The following KIF27 variants were observed in gnomAD, a reference collection of about 807,000 sequenced individuals.
The protein encoded by KIF27 is kinesin family member 27.
KIF27 carries 84 observed loss-of-function variants against 141.8 expected under a neutral mutation model. The observed-to-expected ratio is 0.59, with a 90% confidence interval of 0.50 to 0.71. The LOEUF (loss-of-function observed/expected upper bound fraction) is 0.71, where lower values mean the gene tolerates loss of function less well. KIF27 is among the 30% of genes least tolerant of loss of function. The pLI, the probability that KIF27 is intolerant of heterozygous loss-of-function variation, is 0.00. For missense variants in KIF27, 1,306 were observed against 1,628.4 expected (o/e 0.80, Z 3.41); for synonymous variants, 471 against 569.5 (o/e 0.83, Z 2.46).
In KIF27 at chr9:83,908,452, CTG is replaced by C. The variant is rs1477505684; in HGVS notation, c.497_498del (p.Thr166SerfsTer15). On this transcript the variant is annotated frameshift_variant and splice_region_variant, in exon 3 of 18. Transcript: ENST00000297814. LOFTEE classifies it high-confidence loss of function. ...LHIREDEKGNTVIVGAKECHV... is the reference protein window; with the variant it reads ...LHIREDEKGNXVIVGAKECHV... ...CAACTGATTAAGTGTGCTACTTTACCTGTGTTTCCTTTTTCATCTTCTCGGAT... is the reference window on the plus strand; with the variant it reads ...CAACTGATTAAGTGTGCTACTTTACCTGTTTCCTTTTTCATCTTCTCGGAT... 6.3e-7 allele frequency: 1 copy of C among 1,595,132 alleles called. No individual in the cohort carries two copies. The highest frequency in any genetic ancestry group is 1.1e-5 in the South Asian group (1 of 88,326).
At chr9:83,911,816 C>A (rs967718481) in intron 2 of KIF27, among the ~76,000 whole-genome samples, 1 of 152,100 alleles carries the variant, frequency 6.6e-6, no homozygotes, top group African/African-American at 2.4e-5. Context: ...CAGAAGTGAG[C>A]CACCACGCCT....
intron 3 of KIF27, among the ~76,000 whole-genome samples, chr9:83,904,660 T>C (rs1216499880): frequency 6.6e-6 from 1 of 152,162 alleles, no homozygotes. Flanking sequence ...TGTGAGCCAC[T>C]GCACCTGGCC....
At chr9:83,869,635 G>C (rs1180651687) in intron 12 of KIF27, among the ~76,000 whole-genome samples, 1 of 152,170 alleles carries the variant, frequency 6.6e-6, no homozygotes, top group African/African-American at 2.4e-5. Flanking sequence ...GCTGAGGCAA[G>C]AGAATGGTGT....
intron 10 of KIF27, 129 bp downstream of exon 10, chr9:83,883,684 A>G (rs1564367382): frequency 1.1e-5 from 7 of 631,662 alleles, no homozygotes; most frequent in South Asian, 1.0e-4. Context: ...GCACACTACA[A>G]AAGAAAAGTT....
In KIF27 at chr9:83,834,856, T is replaced by C. The variant is rs1190038707; in HGVS notation, c.*2145A>G. On this transcript the variant is annotated 3_prime_UTR_variant, in exon 18 of 18. Coordinates refer to ENST00000297814, the MANE Select transcript of KIF27 (RefSeq NM_017576.4). Reference sequence around the variant, plus strand: ...TAATGATATATCATGATATAAAATATGATATGAAATAATATAAAGTGAAAT... The same window carrying C: ...TAATGATATATCATGATATAAAATACGATATGAAATAATATAAAGTGAAAT... 6.8e-6 allele frequency among the ~76,000 whole-genome samples: 1 copy of C among 147,690 alleles called. No individual in the cohort carries two copies. Among genetic ancestry groups the C allele is most frequent in the Non-Finnish European group, 1.5e-5 (1 of 67,386 alleles).
chr9:83,919,099 C>A (rs1211954574), intron 1 of KIF27, among the ~76,000 whole-genome samples: 2 of 151,852 alleles, frequency 1.3e-5, no homozygotes, highest in Non-Finnish European at 2.9e-5. Context: ...CAAACAACAA[C>A]CACAATGAGA....
At position 83,837,124 on chromosome 9, in the gene KIF27, T is replaced by C. The variant is rs776666702; in HGVS notation, c.4083A>G (p.Lys1361=). ...CCAAGGCGGAAATTTGACGTAATTC[T>C]TTTCGACACAGTTTTACAGGTGTGA... ...HGVTPVKLCR[K]ELRQISALEL... is the part of the protein sequence containing the mutation. Residue 1361 remains lysine (K), a synonymous_variant, in exon 18 of 18, where the codon AAA becomes AAG. Coordinates refer to ENST00000297814, the MANE Select transcript of KIF27 (RefSeq NM_017576.4). The C allele has an allele frequency of 8.1e-6, 13 of 1,614,054 alleles. No homozygotes were observed. The South Asian group carries it at 1.2e-4, about 15-fold the overall frequency.
chr9:83,837,211 TTTTGTAAACTGA>T lies in KIF27; in HGVS notation c.3984_3995del (p.Asn1328_Thr1331del), dbSNP rs770791845. The T allele has an allele frequency of 1.2e-4, 196 of 1,614,006 alleles. No homozygotes were observed. Among genetic ancestry groups the T allele is most frequent in the Non-Finnish European group, 1.6e-4 (190 of 1,179,976 alleles). ...TTTGGGATGACAGTCGACTGTGAGA[TTTTGTAAACTGA>T]TTATCATCTGTTTCTGTTTTATTCT... On this transcript the variant is annotated inframe_deletion, in exon 18 of 18. Coordinates refer to ENST00000297814, the MANE Select transcript of KIF27 (RefSeq NM_017576.4).
Position 83,889,106 on chromosome 9 carries a change from C to T in KIF27, c.1957G>A (p.Gly653Ser). Residue 653 changes from glycine to serine, a missense_variant, in exon 7 of 18, where the codon GGC becomes AGC. Physicochemically the swap from Gly to Ser is moderately conservative, Grantham distance 56. Coordinates refer to ENST00000297814, the MANE Select transcript of KIF27 (RefSeq NM_017576.4). Reference sequence around the variant, plus strand: ...TACCTAGTTCCAGATTTCTCTTGGCCTTCTGATTCTTCATCATCACTGTTA... The same window carrying T: ...TACCTAGTTCCAGATTTCTCTTGGCTTTCTGATTCTTCATCATCACTGTTA... ...SDNSDDEESE[G>S]QEKSGTRCRS... is the part of the protein sequence containing the mutation. The T allele has an allele frequency of 6.2e-7, 1 of 1,612,972 alleles. No individual in the cohort carries two copies. Among genetic ancestry groups the T allele is most frequent in the Admixed American group, 1.7e-5 (1 of 59,922 alleles).
At chr9:83,906,610 C>T (rs1335057006) in intron 3 of KIF27, among the ~76,000 whole-genome samples, 3 of 151,804 alleles carry the variant, frequency 2.0e-5, no homozygotes, top group Admixed American at 6.6e-5. Flanking sequence ...GGCGTGGTGG[C>T]GGGCGCCTGT....
At chr9:83,865,405 G>C (rs574123082) in intron 13 of KIF27, among the ~76,000 whole-genome samples, 74 of 151,960 alleles carry the variant, frequency 4.9e-4, no homozygotes, top group Non-Finnish European at 9.0e-4. Flanking sequence ...TCAAGTGATT[G>C]TCCTGCCTCA....
At chr9:83,865,739 T>C (rs1399049796) in intron 13 of KIF27, among the ~76,000 whole-genome samples, 1 of 152,212 alleles carries the variant, frequency 6.6e-6, no homozygotes, top group Non-Finnish European at 1.5e-5. Flanking sequence ...ATCTCTAATG[T>C]CTCTGAGTTT....
chr9:83,894,508 T>G (rs1952983862), intron 5 of KIF27, among the ~76,000 whole-genome samples: 2 of 152,202 alleles, frequency 1.3e-5, no homozygotes, highest in African/African-American at 4.8e-5. Context: ...ACTATCAATG[T>G]GGTTTATGCT....
intron 3 of KIF27, among the ~76,000 whole-genome samples, chr9:83,906,519 T>C (rs1954553282): frequency 6.6e-6 from 1 of 152,044 alleles, no homozygotes; most frequent in Middle Eastern, 3.4e-3. Flanking sequence ...AGCAGGCAGA[T>C]CTCTTGAGCC....
chr9:83,887,839 A>G (rs1035630947), intron 8 of KIF27, among the ~76,000 whole-genome samples: 3 of 152,010 alleles, frequency 2.0e-5, no homozygotes, highest in African/African-American at 7.2e-5. Flanking sequence ...AATTTATTTT[A>G]GTTATACTTA....
chr9:83,888,534 T>C lies in KIF27; in HGVS notation c.2038A>G (p.Ser680Gly). The C allele has an allele frequency of 2.5e-6, 4 of 1,601,422 alleles. No individual in the cohort carries two copies. The highest frequency in any genetic ancestry group is 3.4e-6 in the Non-Finnish European group (4 of 1,172,934). The change falls in exon 8 of 18, where the codon AGT becomes GGT. Residue 680 changes from serine (S) to glycine (G), a missense_variant. Ser to Gly is a moderately conservative substitution (Grantham distance 56). This residue lies in a region of KIF27 where 596 missense variants were observed against 751.6 expected (regional missense o/e 0.79). Transcript: ENST00000297814. Reference protein sequence around the residue: ...PDSVCSLVELSDTQDETQKSD... With the variant: ...PDSVCSLVELGDTQDETQKSD... ...TTTTGTGTTTCATCCTGAGTATCACTCAATTCAACAAGGGAACAAACAGAG... is the reference window on the plus strand; with the variant it reads ...TTTTGTGTTTCATCCTGAGTATCACCCAATTCAACAAGGGAACAAACAGAG...
intron 14 of KIF27, chr9:83,858,426 GAC>G (rs1949509917): frequency 6.6e-6 from 1 of 152,018 alleles, no homozygotes; most frequent in Non-Finnish European, 1.5e-5. Flanking sequence ...GTAATGATGA[GAC>G]ACCAACAATA....
intron 3 of KIF27, among the ~76,000 whole-genome samples, chr9:83,907,153 G>A (rs943569727): frequency 4.0e-5 from 6 of 151,826 alleles, no homozygotes; most frequent in Non-Finnish European, 2.9e-5. Flanking sequence ...AGCTGGACAT[G>A]GTGGCGGGCG....
intron 10 of KIF27, among the ~76,000 whole-genome samples, chr9:83,882,163 G>C (rs1218378319): frequency 1.4e-5 from 2 of 148,090 alleles, no homozygotes; most frequent in Non-Finnish European, 3.0e-5. Flanking sequence ...AGGAGTTTGA[G>C]ACCAGCCTGT....
Sources: gnomAD v4.1 joint callset for allele counts (sites outside exome capture counted in the v4.1 genomes callset) on GRCh38, gnomAD v4.1.1 for gene constraint, gnomAD v4.1.1 regional missense constraint, MANE v1.5 for transcripts, NCBI Gene and HGNC (gene_info 2026-07-23, HGNC 2026-07-21) for gene names.